Variants in TAFA3 observed in about 807,000 individuals in gnomAD.
TAFA3 encodes the protein TAFA chemokine like family member 3.
Under a neutral mutation model 20.7 loss-of-function variants are expected in TAFA3, and 17 were observed. That is an observed-to-expected ratio of 0.82 (90% CI 0.56 to 1.23). TAFA3 has a LOEUF of 1.23. Ranked by LOEUF, TAFA3 falls within the 50% of genes most tolerant of loss-of-function variation. The pLI is 0.00. For missense variants in TAFA3, 174 were observed against 172.8 expected, an observed-to-expected ratio of 1.01 and a Z score of -0.04; for synonymous variants, 74 against 71.8, an observed-to-expected ratio of 1.03 and a Z score of -0.16.
Position 112,724,090 on chromosome 1 carries a change from C to T in TAFA3, c.343C>T (p.Leu115=), listed in dbSNP as rs773889870. 186 of 1,613,210 alleles carry T rather than the reference C, an allele frequency of 1.2e-4. 1 individual carries two copies. Among genetic ancestry groups the T allele is most frequent in the South Asian group, 1.6e-4 (15 of 91,008 alleles). ...GGAGGAGTGTAAGGTGCTCCCGGAC[C>T]TGTCGGGATGGAGCTGCAGCAGTGG... ...PGEECKVLPD[L]SGWSCSSGHK... The change falls in exon 5 of 6, where the codon CTG becomes TTG. Residue 115 remains leucine, a synonymous_variant. Coordinates refer to ENST00000361886, the MANE Select transcript of TAFA3 (RefSeq NM_182759.3).
At chr1:112,723,931 C>T (rs371577966) in intron 4 of TAFA3, 82 bp from the exon 5 acceptor site, 9 of 1,612,674 alleles carry the variant, frequency 5.6e-6, no homozygotes, top group Non-Finnish European at 6.8e-6. Flanking sequence ...TGGAAACGTG[C>T]ACCTCATTCG....
Position 112,723,161 on chromosome 1 carries a change from G to A in TAFA3, c.261G>A (p.Val87=). 1 of 1,612,554 alleles carries A rather than the reference G, an allele frequency of 6.2e-7. No homozygotes were observed. The highest frequency in any genetic ancestry group is 8.5e-7 in the Non-Finnish European group (1 of 1,179,650). ...CCACGCGGGCAAAGCCCTCCTGCGT[G>A]GACGGTGAGTGAGAGGCCAGGACCC... ...AGTTRAKPSC[V]DASIVLQRWW... Residue 87 remains valine (V), a synonymous_variant, in exon 4 of 6, where the codon GTG becomes GTA. Coordinates refer to ENST00000361886, the MANE Select transcript of TAFA3 (RefSeq NM_182759.3).
chr1:112,724,759 A>G (rs1341610903), intron 5 of TAFA3, among the ~76,000 whole-genome samples: 1 of 138,402 alleles, frequency 7.2e-6, no homozygotes, highest in African/African-American at 2.7e-5. Context: ...CAATGTGCAC[A>G]TGTACCCTAA....
At chr1:112,722,188 G>A in intron 2 of TAFA3, 45 bp from the exon 3 acceptor site, 1 of 1,595,536 alleles carries the variant, frequency 6.3e-7, no homozygotes, top group South Asian at 1.1e-5. Context: ...GTGCACAGGG[G>A]AGCTTCTGCC....
At chr1:112,722,923 C>A (rs955102024) in intron 3 of TAFA3, 93 bp from the exon 4 acceptor site, 3 of 1,469,008 alleles carry the variant, frequency 2.0e-6, no homozygotes, top group Non-Finnish European at 2.7e-6. Context: ...GCCCTCCCTG[C>A]AGCAGGGAGG....
Position 112,723,034 on chromosome 1 carries a change from C to G in TAFA3, c.134C>G (p.Thr45Ser). ...CCCTCAGTGCTTGTGCAGCAGGGCA[C>G]CTGCGAGGTGATTGCGGCTCACCGC... is the stretch of plus-strand genomic sequence containing the variant. ...PTATVLVQQG[T>S]CEVIAAHRCC... is the part of the protein sequence containing the mutation. The change falls in exon 4 of 6, where the codon ACC becomes AGC. Residue 45 changes from threonine to serine, a missense_variant. Physicochemically the swap from Thr to Ser is moderately conservative, Grantham distance 58 (BLOSUM62 1). Coordinates refer to ENST00000361886, the MANE Select transcript of TAFA3 (RefSeq NM_182759.3). 1 of 1,612,662 alleles carries G rather than the reference C, an allele frequency of 6.2e-7. No individual in the cohort carries two copies. Among genetic ancestry groups the G allele is most frequent in the African/African-American group, 1.3e-5 (1 of 75,026 alleles).
At chr1:112,721,383 G>A (rs1465014455) in intron 2 of TAFA3, among the ~76,000 whole-genome samples, 1 of 152,190 alleles carries the variant, frequency 6.6e-6, no homozygotes. Flanking sequence ...GAGTGCAGTA[G>A]CACAGTCATA....
chr1:112,723,235 A>T, intron 4 of TAFA3, 70 bp downstream of exon 4: 1 of 1,525,702 alleles, frequency 6.6e-7, no homozygotes, highest in Non-Finnish European at 8.8e-7. Context: ...AGGCCTCGCC[A>T]TCTGCTGGGG....
chr1:112,726,550 A>G, intron 5 of TAFA3, 79 bp from the exon 6 acceptor site: 4 of 1,483,124 alleles, frequency 2.7e-6, no homozygotes, highest in African/African-American at 1.4e-5. Flanking sequence ...AGTGACCTGC[A>G]TATTCTGGGT....
chr1:112,726,496 TC>T, intron 5 of TAFA3, 132 bp from the exon 6 acceptor site: 1 of 879,700 alleles, frequency 1.1e-6, no homozygotes, highest in East Asian at 2.6e-5. Context: ...GCTTTCCCAT[TC>T]CGGCCTGCTT....
rs148184084 is a variant in TAFA3 at position 112,722,248 on chromosome 1, C to G, written c.15C>G (p.Val5=). The G allele has an allele frequency of 8.7e-6, 14 of 1,614,094 alleles. No individual in the cohort carries two copies. Among genetic ancestry groups the G allele is most frequent in the Non-Finnish European group, 1.1e-5 (13 of 1,179,992 alleles). Residue 5 remains valine, a synonymous_variant, in exon 3 of 6, where the codon GTC becomes GTG. Transcript: ENST00000361886. ...CTCTCCGCAGGATGAGTGAGAGGGTCGAGCGGAACTGGAGCACGGGCGGCT... is the reference window on the plus strand; with the variant it reads ...CTCTCCGCAGGATGAGTGAGAGGGTGGAGCGGAACTGGAGCACGGGCGGCT... MSER[V]ERNWSTGGWL...
At position 112,726,856 on chromosome 1, in the gene TAFA3, C is replaced by T. The variant is rs898901539; in HGVS notation, c.*216C>T. On this transcript the variant is annotated 3_prime_UTR_variant, in exon 6 of 6. Transcript: ENST00000361886. ...GTGGAGCTGGGCTTTTCTGGAGACA[C>T]GAAGGTCAACACACAATTCCTGCCC... 6.5e-5 allele frequency: 40 copies of T among 617,124 alleles called. No homozygotes were observed. The highest frequency in any genetic ancestry group is 1.5e-4 in the South Asian group (7 of 46,512). The allele number at this position is 617,124 out of a possible 1,614,324, so 38.2% of individuals were successfully genotyped here.
chr1:112,726,651 T>G lies in TAFA3; in HGVS notation c.*11T>G. The G allele has an allele frequency of 6.2e-7, 1 of 1,613,630 alleles. No individual in the cohort carries two copies. The highest frequency in any genetic ancestry group is 8.5e-7 in the Non-Finnish European group (1 of 1,179,784). ...CAGGTCACACGATAGCTCTTGGGGGTCACGGCCTGGACAAGAAAGGCTTGA... is the reference window on the plus strand; with the variant it reads ...CAGGTCACACGATAGCTCTTGGGGGGCACGGCCTGGACAAGAAAGGCTTGA... On this transcript the variant is annotated 3_prime_UTR_variant, in exon 6 of 6. Transcript: ENST00000361886.
chr1:112,725,288 A>G (rs1456765926), intron 5 of TAFA3, among the ~76,000 whole-genome samples: 2 of 151,990 alleles, frequency 1.3e-5, no homozygotes, highest in African/African-American at 4.8e-5. Flanking sequence ...TATGCTTACT[A>G]CATGGGTAAT....
rs563535584 is a variant in TAFA3 at position 112,720,862 on chromosome 1, A to G, written c.-2+228A>G. Among the ~76,000 whole-genome samples, 4 of 151,914 alleles carry G rather than the reference A, an allele frequency of 2.6e-5. No homozygotes were observed. In the East Asian group the frequency reaches 7.7e-4, roughly 29 times the overall value. On this transcript the variant is annotated intron_variant, in intron 2 of 5. Transcript: ENST00000361886. ...TTCAATGGCTGGGCAGCTCCTAGCT[A>G]CTCTGTGCCTCTTGCTTCCTTAGGA...
chr1:112,720,809 G>T (rs1035575405), intron 2 of TAFA3, among the ~76,000 whole-genome samples, 175 bp downstream of exon 2: 2 of 152,222 alleles, frequency 1.3e-5, no homozygotes, highest in Admixed American at 6.5e-5. Flanking sequence ...TTTTGGCCTT[G>T]CTGCATCCTG....
intron 5 of TAFA3, among the ~76,000 whole-genome samples, chr1:112,726,179 C>G (rs761018506): frequency 2.6e-5 from 4 of 152,026 alleles, no homozygotes; most frequent in Non-Finnish European, 4.4e-5. Flanking sequence ...GGAAAGGCAG[C>G]CTTTGGCTTC....
rs771756422 is a variant in TAFA3, at chr1:112,724,085, C to A, written c.338C>A (p.Pro113Gln). 9.3e-6 allele frequency: 15 copies of A among 1,613,234 alleles called. No individual in the cohort carries two copies. The highest frequency in any genetic ancestry group is 1.8e-4 in the Middle Eastern group (1 of 5,714). ...CLPGEECKVL[P>Q]DLSGWSCSSG... ...CCGGGGGAGGAGTGTAAGGTGCTCC[C>A]GGACCTGTCGGGATGGAGCTGCAGC... Residue 113 changes from proline (P) to glutamine (Q), a missense_variant, in exon 5 of 6, where the codon CCG becomes CAG. Physicochemically the swap from Pro to Gln is moderately conservative, Grantham distance 76. Coordinates refer to ENST00000361886, the MANE Select transcript of TAFA3 (RefSeq NM_182759.3).
intron 5 of TAFA3, 152 bp from the exon 6 acceptor site, chr1:112,726,477 C>A: frequency 2.7e-6 from 2 of 746,056 alleles, no homozygotes; most frequent in Non-Finnish European, 4.5e-6. Context: ...GCATGGGTCA[C>A]CAGGCCATGC....
Sources: gnomAD v4.1 joint callset for allele counts (sites outside exome capture counted in the v4.1 genomes callset) on GRCh38, gnomAD v4.1.1 for gene constraint, MANE v1.5 for transcripts, NCBI Gene and HGNC (gene_info 2026-07-23, HGNC 2026-07-21) for gene names.